Variants in RIPOR2 observed in about 807,000 individuals in gnomAD.
The protein encoded by RIPOR2 is rho family-interacting cell polarization regulator 2.
In RIPOR2, 39 loss-of-function variants were observed where a neutral mutation model predicts 114.5. That is an observed-to-expected ratio of 0.34 (90% CI 0.26 to 0.44). RIPOR2 has a LOEUF of 0.44. RIPOR2 is among the 20% of genes least tolerant of loss of function. The probability of loss-of-function intolerance (pLI) is 1.00; values close to 1 mark genes in which losing one functional copy is unlikely to be tolerated. For synonymous variants in RIPOR2, 445 were observed against 484.4 expected (o/e 0.92, Z 1.07); for missense variants, 1,007 against 1,255.1 (o/e 0.80, Z 2.99).
At chr6:24,834,143 C>A (rs1193044627) in intron 15 of RIPOR2, among the ~76,000 whole-genome samples, 2 of 152,058 alleles carry the variant, frequency 1.3e-5, no homozygotes, top group African/African-American at 4.8e-5. Flanking sequence ...GTTTGTGAGA[C>A]CTTTGTGGTT....
chr6:24,928,789 C>T (rs968273603), intron 1 of RIPOR2, among the ~76,000 whole-genome samples: 1 of 152,116 alleles, frequency 6.6e-6, no homozygotes, highest in Admixed American at 6.5e-5. Flanking sequence ...TAGCCACAGA[C>T]GAAATAACCC....
chr6:25,041,985 C>A, exon 1 of RIPOR2: 1 of 652,268 alleles, frequency 1.5e-6, no homozygotes, highest in Non-Finnish European at 2.8e-6. Context: ...GGTCTTGCAG[C>A]TATCCTGGAA....
intron 1 of RIPOR2, among the ~76,000 whole-genome samples, chr6:24,879,673 C>T (rs576279615): frequency 4.6e-5 from 7 of 152,186 alleles, no homozygotes; most frequent in Non-Finnish European, 8.8e-5. Flanking sequence ...AAAACACTCC[C>T]TTCCCCATAG....
intron 1 of RIPOR2, among the ~76,000 whole-genome samples, chr6:24,917,529 T>C (rs1401051750): frequency 1.3e-5 from 2 of 152,150 alleles, no homozygotes; most frequent in Non-Finnish European, 2.9e-5. Flanking sequence ...GTAGGCTTTT[T>C]TTTCTTTCTT....
At chr6:25,040,633 C>T (rs1428716694) in intron 1 of RIPOR2, among the ~76,000 whole-genome samples, 1 of 147,340 alleles carries the variant, frequency 6.8e-6, no homozygotes, top group African/African-American at 2.5e-5. Flanking sequence ...GCTGTTGTTG[C>T]CCAGGCTAGA....
chr6:25,034,652 G>A (rs1411795532), intron 1 of RIPOR2, among the ~76,000 whole-genome samples: 2 of 152,124 alleles, frequency 1.3e-5, no homozygotes, highest in Admixed American at 1.3e-4. Context: ...AGAATCCATC[G>A]AGGCTCTGAG....
rs1391481624 is a variant in RIPOR2 at position 24,827,189 on chromosome 6, C to T, written c.2665+948G>A. 1.3e-5 allele frequency among the ~76,000 whole-genome samples: 2 copies of T among 152,180 alleles called. 1 individual carries two copies. The highest frequency in any genetic ancestry group is 2.9e-5 in the Non-Finnish European group (2 of 68,026). On this transcript the variant is annotated intron_variant, in intron 18 of 21. Coordinates refer to ENST00000643898, the MANE Select transcript of RIPOR2 (RefSeq NM_001286445.3). ...TTTGTGGTCCTAAAACAAGGTCTTT[C>T]TGCCCATGCTTTCTCTTCCTGGTCC... is the stretch of plus-strand genomic sequence containing the variant.
At chr6:25,009,144 C>T (rs909141855) in intron 1 of RIPOR2, among the ~76,000 whole-genome samples, 5 of 152,200 alleles carry the variant, frequency 3.3e-5, no homozygotes, top group African/African-American at 1.2e-4. Flanking sequence ...TGATGTTGGT[C>T]TCGTGGGGAA....
In RIPOR2 at chr6:24,873,627, C is replaced by G; in HGVS notation, c.344+17G>C. 4 of 1,607,388 alleles carry G rather than the reference C, an allele frequency of 2.5e-6. No homozygotes were observed. Among genetic ancestry groups the G allele is most frequent in the Non-Finnish European group, 3.4e-6 (4 of 1,177,662 alleles). ...TGGGTCTTTCCTTAAAGTACATTAT[C>G]AGGTTCAAGTTCTTACTCAAGTCCA... On this transcript the variant is annotated intron_variant, in intron 3 of 21. Coordinates refer to ENST00000643898, the MANE Select transcript of RIPOR2 (RefSeq NM_001286445.3).
intron 1 of RIPOR2, among the ~76,000 whole-genome samples, chr6:24,986,382 T>G (rs764157236): frequency 7.7e-4 from 117 of 152,324 alleles, no homozygotes; most frequent in Non-Finnish European, 1.5e-3. Context: ...TGTTGAACTT[T>G]GAATTAGGAT....
At chr6:24,975,024 T>A (rs1217967306) in intron 1 of RIPOR2, among the ~76,000 whole-genome samples, 1 of 152,164 alleles carries the variant, frequency 6.6e-6, no homozygotes, top group African/African-American at 2.4e-5. Context: ...CTAATGGGTA[T>A]GGGGTTTCTT....
chr6:24,860,053 T>C (rs144224203), intron 8 of RIPOR2, among the ~76,000 whole-genome samples: 1 of 152,326 alleles, frequency 6.6e-6, no homozygotes, highest in African/African-American at 2.4e-5. Flanking sequence ...CTCTATTTTC[T>C]AAAACCAGAC....
chr6:24,847,601 G>T, intron 12 of RIPOR2: 8 of 1,551,694 alleles, frequency 5.2e-6, no homozygotes, highest in South Asian at 1.2e-5. Context: ...CTGAAGGAGC[G>T]GCTGCGGTGC....
chr6:24,915,483 T>C (rs1421691613), intron 1 of RIPOR2, among the ~76,000 whole-genome samples: 4 of 152,024 alleles, frequency 2.6e-5, no homozygotes, highest in African/African-American at 9.7e-5. Flanking sequence ...CCTTCCCAAG[T>C]AGCTGGGATT....
chr6:24,832,305 G>A lies in RIPOR2; in HGVS notation c.2295C>T (p.Leu765=), dbSNP rs1310695438. Reference sequence around the variant, plus strand: ...CTATGTTCTCATCACTGACAGCTGCGAGTTTCTCCATCACTTGGATCTGCC... The same window carrying A: ...CTATGTTCTCATCACTGACAGCTGCAAGTTTCTCCATCACTTGGATCTGCC... The part of the protein sequence containing the change: ...LSRQIQVMEK[L]AAVSDENIGN... The change falls in exon 16 of 22, where the codon CTC becomes CTT. Residue 765 remains leucine, a synonymous_variant. Coordinates refer to ENST00000643898, the MANE Select transcript of RIPOR2 (RefSeq NM_001286445.3). 6 of 1,551,800 alleles carry A rather than the reference G, an allele frequency of 3.9e-6. No homozygotes were observed. The highest frequency in any genetic ancestry group is 2.4e-5 in the East Asian group (1 of 40,926).
chr6:24,868,047 A>G (rs1764800449), intron 6 of RIPOR2, among the ~76,000 whole-genome samples: 1 of 152,164 alleles, frequency 6.6e-6, no homozygotes, highest in Non-Finnish European at 1.5e-5. Flanking sequence ...ATACCTTCTG[A>G]TGGATGTCAT....
At chr6:24,878,517 T>C (rs979662958) in intron 1 of RIPOR2, among the ~76,000 whole-genome samples, 2 of 152,214 alleles carry the variant, frequency 1.3e-5, no homozygotes, top group Non-Finnish European at 2.9e-5. Context: ...ACTTAGAGTA[T>C]TCGAAATATT....
chr6:24,970,670 C>A (rs1371746230), intron 1 of RIPOR2, among the ~76,000 whole-genome samples: 1 of 152,052 alleles, frequency 6.6e-6, no homozygotes, highest in Non-Finnish European at 1.5e-5. Flanking sequence ...GACTGTTGAG[C>A]CCTTGTGAGT....
chr6:24,958,983 AC>A (rs1309268578), intron 1 of RIPOR2, among the ~76,000 whole-genome samples: 2 of 131,458 alleles, frequency 1.5e-5, no homozygotes, highest in East Asian at 4.2e-4. Flanking sequence ...ACAGGGTCTC[AC>A]CCTGTCGCCC....
Sources: allele counts gnomAD v4.1 joint callset (sites outside exome capture counted in the v4.1 genomes callset), GRCh38; gene constraint gnomAD v4.1.1; transcripts MANE v1.5; gene names NCBI Gene and HGNC (gene_info 2026-07-23, HGNC 2026-07-21).